The following ASTN2 variants were observed in gnomAD, a reference collection of about 807,000 sequenced individuals.
ASTN2 encodes the protein astrotactin 2.
ASTN2 carries 54 observed loss-of-function variants against 139.8 expected under a neutral mutation model. The observed-to-expected ratio is 0.39, with a 90% CI of 0.31 to 0.48. The LOEUF is 0.48. ASTN2 is among the 20% of genes least tolerant of loss of function. ASTN2 has a pLI of 0.95. For synonymous variants in ASTN2, 756 were observed against 719.5 expected (o/e 1.05, Z -0.81); for missense variants, 1,565 against 1,725.1 (o/e 0.91, Z 1.64).
chr9:116,758,049 A>G lies in ASTN2; in HGVS notation c.2397-24526T>C, dbSNP rs528377365. ...TTACTAGAAGAAGCCTGAGAGATCAAAATCTAGTCCAGTCCCTCCACTGTG... is the reference window on the plus strand; with the variant it reads ...TTACTAGAAGAAGCCTGAGAGATCAGAATCTAGTCCAGTCCCTCCACTGTG... On this transcript the variant is annotated intron_variant, in intron 13 of 22. Coordinates refer to ENST00000313400, the MANE Select transcript of ASTN2 (RefSeq NM_001365068.1). Among the ~76,000 whole-genome samples the G allele has an allele frequency of 5.3e-5, 8 of 152,272 alleles. No homozygotes were observed. The South Asian group carries it at 1.5e-3, about 28-fold the overall frequency.
At chr9:117,204,547 T>C (rs966984895) in intron 3 of ASTN2, among the ~76,000 whole-genome samples, 1 of 152,214 alleles carries the variant, frequency 6.6e-6, no homozygotes, top group East Asian at 1.9e-4. Context: ...ATTATTTTTG[T>C]ACAGTGTGGG....
At chr9:117,198,967 T>C (rs1001682083) in intron 3 of ASTN2, among the ~76,000 whole-genome samples, 1 of 152,124 alleles carries the variant, frequency 6.6e-6, no homozygotes, top group Non-Finnish European at 1.5e-5. Context: ...CCTTTGCCCA[T>C]TTTTTGACAG....
intron 1 of ASTN2, among the ~76,000 whole-genome samples, chr9:117,373,356 G>A (rs1031858267): frequency 4.6e-5 from 7 of 152,132 alleles, no homozygotes; most frequent in African/African-American, 1.7e-4. Flanking sequence ...TTGAGAACAT[G>A]TTTATCTGTG....
At chr9:117,106,040 G>A (rs1829093646) in intron 4 of ASTN2, among the ~76,000 whole-genome samples, 1 of 152,026 alleles carries the variant, frequency 6.6e-6, no homozygotes, top group Admixed American at 6.6e-5. Flanking sequence ...AGAGTAAGGG[G>A]GCAGATTTGA....
At chr9:117,396,354 A>AG (rs1830676581) in intron 1 of ASTN2, among the ~76,000 whole-genome samples, 1 of 152,142 alleles carries the variant, frequency 6.6e-6, no homozygotes, top group African/African-American at 2.4e-5. Flanking sequence ...CCCAGCTATG[A>AG]ATGCTTACAC....
At chr9:116,687,299 AG>A (rs1860292184) in intron 16 of ASTN2, 1 of 984,404 alleles carries the variant, frequency 1.0e-6, no homozygotes, top group Admixed American at 5.9e-5. Context: ...GCGCCCGGCA[AG>A]GGGTGCTCAA....
At chr9:116,695,639 C>G (rs906401194) in intron 16 of ASTN2, among the ~76,000 whole-genome samples, 25 of 152,180 alleles carry the variant, frequency 1.6e-4, no homozygotes, top group Non-Finnish European at 2.2e-4. Context: ...ATCTGCAGAT[C>G]ACAAGACTGC....
At chr9:116,666,634 T>C (rs1435734528) in intron 16 of ASTN2, among the ~76,000 whole-genome samples, 2 of 152,166 alleles carry the variant, frequency 1.3e-5, no homozygotes, top group African/African-American at 2.4e-5. Flanking sequence ...CTTTCTTTTA[T>C]AGTCTTTTGT....
intron 12 of ASTN2, among the ~76,000 whole-genome samples, chr9:116,806,542 A>C (rs570380366): frequency 6.6e-6 from 1 of 152,340 alleles, no homozygotes; most frequent in South Asian, 2.1e-4. Context: ...CTGGAATTCT[A>C]TGAGTGTCTA....
intron 19 of ASTN2, among the ~76,000 whole-genome samples, chr9:116,499,613 G>A (rs1190490569): frequency 6.6e-6 from 1 of 152,128 alleles, no homozygotes; most frequent in African/African-American, 2.4e-5. Flanking sequence ...TACCTGGCCT[G>A]TCTTAGTCAC....
chr9:117,135,835 G>T (rs911607258), intron 4 of ASTN2, among the ~76,000 whole-genome samples: 5 of 152,090 alleles, frequency 3.3e-5, no homozygotes, highest in African/African-American at 1.2e-4. Context: ...GGCCTTTCAG[G>T]AAGAATATGA....
At chr9:117,333,548 G>T (rs1256384485) in intron 1 of ASTN2, among the ~76,000 whole-genome samples, 2 of 152,044 alleles carry the variant, frequency 1.3e-5, no homozygotes, top group Admixed American at 6.6e-5. Flanking sequence ...TTGCAGGGGG[G>T]GTTGGAACAG....
Position 117,188,945 on chromosome 9 carries a change from C to T in ASTN2, c.1015+25413G>A, listed in dbSNP as rs10118011. 1.8e-3 allele frequency among the ~76,000 whole-genome samples: 271 copies of T among 152,098 alleles called. 1 individual carries two copies. The highest frequency in any genetic ancestry group is 6.2e-3 in the African/African-American group (256 of 41,500). ...CATCTACCTGAGCATCAGTGAGTGC[C>T]CTTTCCCCAGAGCGTGGAGTCTGAG... On this transcript the variant is annotated intron_variant, in intron 3 of 22. Coordinates refer to ENST00000313400, the MANE Select transcript of ASTN2 (RefSeq NM_001365068.1).
At chr9:117,022,851 C>G (rs112275870) in intron 6 of ASTN2, among the ~76,000 whole-genome samples, 4 of 152,012 alleles carry the variant, frequency 2.6e-5, no homozygotes, top group African/African-American at 9.7e-5. Flanking sequence ...AGAGGGGCTG[C>G]GTCTGAGATG....
At chr9:117,119,954 A>C (rs1829498026) in intron 4 of ASTN2, among the ~76,000 whole-genome samples, 1 of 148,190 alleles carries the variant, frequency 6.7e-6, no homozygotes, top group Non-Finnish European at 1.5e-5. Context: ...ATTTCATATG[A>C]AAGGAAATCA....
At chr9:116,959,859 G>A (rs1437952225) in intron 10 of ASTN2, among the ~76,000 whole-genome samples, 1 of 152,146 alleles carries the variant, frequency 6.6e-6, no homozygotes, top group Non-Finnish European at 1.5e-5. Flanking sequence ...TGGGCAGCGA[G>A]TTCCGGAGAA....
At chr9:116,974,619 C>T (rs887371656) in intron 10 of ASTN2, among the ~76,000 whole-genome samples, 3 of 150,912 alleles carry the variant, frequency 2.0e-5, no homozygotes, top group African/African-American at 7.3e-5. Context: ...AGAGATTCTC[C>T]AGCCTCATCC....
chr9:116,657,878 A>C (rs1858314118), intron 16 of ASTN2, among the ~76,000 whole-genome samples: 1 of 151,432 alleles, frequency 6.6e-6, no homozygotes, highest in East Asian at 2.0e-4. Context: ...AGAGGTCAGA[A>C]AGTAGCAAGA....
At chr9:116,766,570 A>T (rs996464774) in intron 13 of ASTN2, among the ~76,000 whole-genome samples, 13 of 151,904 alleles carry the variant, frequency 8.6e-5, no homozygotes, top group African/African-American at 2.9e-4. Context: ...AATCACATGC[A>T]TTCATACTCA....
Sources: allele counts gnomAD v4.1 joint callset (sites outside exome capture counted in the v4.1 genomes callset), GRCh38; gene constraint gnomAD v4.1.1; transcripts MANE v1.5; gene names NCBI Gene and HGNC (gene_info 2026-07-23, HGNC 2026-07-21).